Variants in OR56A3 observed in about 807,000 individuals in gnomAD.
The protein encoded by OR56A3 is olfactory receptor 56A3.
Under a neutral mutation model 17.5 loss-of-function variants are expected in OR56A3, and 23 were observed. The ratio of observed to expected loss-of-function variants is 1.32; its 90% CI spans 0.95 to 1.87. The LOEUF is 1.87. Ranked by LOEUF, OR56A3 falls within the 40% of genes most tolerant of loss-of-function variation. OR56A3 has a pLI of 0.00. For missense variants in OR56A3, 366 were observed against 380.1 expected (o/e 0.96, Z 0.31); for synonymous variants, 175 against 150.6 (o/e 1.16, Z -1.19).
the OR56A3 span, among the ~76,000 whole-genome samples, chr11:5,998,796 G>A: frequency 6.6e-6 from 1 of 152,224 alleles, no homozygotes; most frequent in Non-Finnish European, 1.5e-5. Flanking sequence ...TCAAGCCTCT[G>A]CACACTGTGT....
At chr11:6,001,974 A>G in the OR56A3 span, 1 of 1,420,352 alleles carries the variant, frequency 7.0e-7, no homozygotes. Flanking sequence ...TTCCTTTCCA[A>G]CATAAAATTA....
At chr11:5,970,771 A>ACTTTCTCTC in the OR56A3 span, among the ~76,000 whole-genome samples, 7 of 152,016 alleles carry the variant, frequency 4.6e-5, no homozygotes, top group Admixed American at 3.9e-4. Context: ...CCACTGCCTA[A>ACTTTCTCTC]CTTTCTCTCC....
At chr11:6,017,343 A>G in the OR56A3 span, among the ~76,000 whole-genome samples, 1 of 152,204 alleles carries the variant, frequency 6.6e-6, no homozygotes, top group African/African-American at 2.4e-5. Context: ...AAAGCCAAAA[A>G]GGTATTCTCC....
the OR56A3 span, among the ~76,000 whole-genome samples, chr11:5,974,482 T>G: frequency 6.6e-6 from 1 of 152,314 alleles, no homozygotes; most frequent in South Asian, 2.1e-4. Flanking sequence ...GGTACAGTAG[T>G]TAGTACCAGA....
chr11:5,988,274 G>A, the OR56A3 span, among the ~76,000 whole-genome samples: 5 of 151,648 alleles, frequency 3.3e-5, no homozygotes, highest in Non-Finnish European at 7.4e-5. Context: ...ATAACTTTCT[G>A]ACTTATCTCT....
At chr11:5,968,038 C>A in the OR56A3 span, 1 of 1,602,870 alleles carries the variant, frequency 6.2e-7, no homozygotes, top group African/African-American at 1.3e-5. Flanking sequence ...CCATTCCTGG[C>A]CACAACAAAG....
chr11:6,019,112 C>T, the OR56A3 span, among the ~76,000 whole-genome samples: 1 of 151,928 alleles, frequency 6.6e-6, no homozygotes, highest in Non-Finnish European at 1.5e-5. Flanking sequence ...AGAAATAACA[C>T]CAATTCTTCT....
the OR56A3 span, among the ~76,000 whole-genome samples, chr11:6,014,146 A>T: frequency 6.6e-6 from 1 of 152,222 alleles, no homozygotes; most frequent in African/African-American, 2.4e-5. Flanking sequence ...AGCCCAGCAC[A>T]TCTGACATCA....
chr11:6,000,071 T>C, the OR56A3 span: 1 of 152,198 alleles, frequency 6.6e-6, no homozygotes, highest in Non-Finnish European at 1.5e-5. Context: ...CTCAGGGATC[T>C]AGAACTAGAA....
the OR56A3 span, among the ~76,000 whole-genome samples, chr11:5,992,759 C>T: frequency 6.6e-6 from 1 of 152,154 alleles, no homozygotes; most frequent in African/African-American, 2.4e-5. Context: ...CAGATCTTTT[C>T]CTTGGTCCCA....
the OR56A3 span, among the ~76,000 whole-genome samples, chr11:5,985,656 C>G: frequency 1.1e-4 from 16 of 152,312 alleles, no homozygotes; most frequent in South Asian, 2.9e-3. Context: ...ACATTCAGAG[C>G]TATCATCTAT....
chr11:5,970,116 A>G, the OR56A3 span, among the ~76,000 whole-genome samples: 1 of 152,218 alleles, frequency 6.6e-6, no homozygotes. Context: ...GTAAACTATC[A>G]AAATACATGT....
At chr11:5,995,081 G>T in the OR56A3 span, 1 of 600,220 alleles carries the variant, frequency 1.7e-6, no homozygotes. Context: ...CTGACTGGCC[G>T]GGTGCCATAG....
the OR56A3 span, among the ~76,000 whole-genome samples, chr11:5,956,661 A>T: frequency 6.6e-6 from 1 of 152,208 alleles, no homozygotes; most frequent in Non-Finnish European, 1.5e-5. Flanking sequence ...TCACTGCTTT[A>T]TGCTCATGTT....
the OR56A3 span, chr11:6,002,384 A>G: frequency 6.2e-7 from 1 of 1,614,242 alleles, no homozygotes. Context: ...AGCCTGCCAC[A>G]AACTGGTAGA....
downstream of OR56A3, among the ~76,000 whole-genome samples, chr11:5,953,841 T>A (rs1847919986): frequency 6.6e-6 from 1 of 152,176 alleles, no homozygotes; most frequent in East Asian, 1.9e-4. Flanking sequence ...ATATCAAGAT[T>A]TCATAATCCA....
downstream of OR56A3, among the ~76,000 whole-genome samples, chr11:5,955,628 TG>T: frequency 6.6e-6 from 1 of 152,138 alleles, no homozygotes; most frequent in Non-Finnish European, 1.5e-5. Context: ...GGCATGCTTC[TG>T]GGGGGTTACA....
chr11:5,977,727 CCTGT>C, the OR56A3 span, among the ~76,000 whole-genome samples: 2 of 152,162 alleles, frequency 1.3e-5, no homozygotes, highest in East Asian at 1.9e-4. Flanking sequence ...CAAAGTCCCA[CCTGT>C]CTATTTTTGA....
chr11:5,947,479 G>A lies in OR56A3; in HGVS notation c.133G>A (p.Ala45Thr). The A allele has an allele frequency of 1.2e-6, 2 of 1,613,958 alleles. No individual in the cohort carries two copies. The highest frequency in any genetic ancestry group is 2.7e-5 in the African/African-American group (2 of 75,016). The stretch of plus-strand genomic sequence containing the variant: ...CCTCCTTTTCCTCTTGGCCGTAGGG[G>A]CCAACACCACCCTCCTGATGACCAT... ...LSLLFLLAVG[A>T]NTTLLMTIWL... is the part of the protein sequence containing the mutation. Residue 45 changes from alanine to threonine, a missense_variant, in exon 3 of 3, where the codon GCC becomes ACC. Ala to Thr is a moderately conservative substitution (Grantham distance 58). Transcript: ENST00000641160.
Sources: allele counts gnomAD v4.1 joint callset (sites outside exome capture counted in the v4.1 genomes callset), GRCh38; gene constraint gnomAD v4.1.1; transcripts MANE v1.5; gene names NCBI Gene and HGNC (gene_info 2026-07-23, HGNC 2026-07-21).